Variants in CDKL5 observed in about 807,000 individuals in gnomAD.
CDKL5 encodes the protein cyclin-dependent kinase-like 5.
A neutral mutation model predicts 61.7 loss-of-function variants in CDKL5; 8 were observed. The observed-to-expected ratio is 0.13, with a 90% CI of 0.08 to 0.23. The LOEUF is 0.23. Among genes scored for constraint, CDKL5 ranks in the 10% least tolerant of loss-of-function variants. The pLI, the probability that CDKL5 is intolerant of heterozygous loss-of-function variation, is 1.00. For synonymous variants in CDKL5, 275 were observed against 272.3 expected (o/e 1.01, Z -0.10); for missense variants, 440 against 734.5 (o/e 0.60, Z 4.63).
chrX:18,459,050 C>A (rs916267058), intron 1 of CDKL5, among the ~76,000 whole-genome samples: 1 of 111,668 alleles, frequency 9.0e-6, no homozygotes, highest in African/African-American at 3.3e-5. Context: ...GTGGTAGGTA[C>A]GCAGAAATAA....
chrX:18,510,564 C>T (rs749478239), intron 2 of CDKL5, among the ~76,000 whole-genome samples: 1 of 112,375 alleles, frequency 8.9e-6, no homozygotes, highest in East Asian at 2.8e-4. Context: ...TACATTTAAA[C>T]GTATCGCCAG....
intron 21 of CDKL5, among the ~76,000 whole-genome samples, chrX:18,652,298 G>A (rs947725085): frequency 8.9e-6 from 1 of 111,940 alleles, no homozygotes; most frequent in African/African-American, 3.2e-5. Context: ...CACTGACTGC[G>A]ACCTCTGGCC....
intron 1 of CDKL5, among the ~76,000 whole-genome samples, chrX:18,461,344 T>TC (rs775839792): frequency 8.9e-6 from 1 of 112,610 alleles, no homozygotes; most frequent in East Asian, 2.8e-4. Context: ...ATTTTTACTG[T>TC]CCGAGTATTT....
intron 3 of CDKL5, among the ~76,000 whole-genome samples, chrX:18,558,211 A>C (rs1373072233): frequency 9.0e-6 from 1 of 111,618 alleles, no homozygotes; most frequent in East Asian, 2.8e-4. Flanking sequence ...TTCTTAGTTT[A>C]TTGCTTAAGA....
At chrX:18,627,794 C>CAAAAAAAAAAA (rs60267091) in intron 17 of CDKL5, 1 of 39,087 alleles carries the variant, frequency 2.6e-5, no homozygotes. Flanking sequence ...AAAAAAAAAG[C>CAAAAAAAAAAA]AAAAAAAAAA....
exon 21 of CDKL5, chrX:18,650,487 T>C (rs750449476): frequency 2.5e-6 from 3 of 1,211,521 alleles, no homozygotes; most frequent in Non-Finnish European, 3.4e-6. Flanking sequence ...TCGTCCAATC[T>C]CCAGTCCTGC....
intron 17 of CDKL5, chrX:18,626,721 TCTCCCCC>T (rs1927066809): frequency 3.9e-5 from 1 of 25,836 alleles, no homozygotes; most frequent in Non-Finnish European, 6.0e-5. Flanking sequence ...TCTCTCTCTC[TCTCCCCC>T]CTCTCTCCCC....
At chrX:18,586,142 C>T (rs1925636789) in intron 8 of CDKL5, among the ~76,000 whole-genome samples, 1 of 111,458 alleles carries the variant, frequency 9.0e-6, no homozygotes, top group African/African-American at 3.3e-5. Flanking sequence ...GATGCTTAGT[C>T]ACTTTATTAT....
At chrX:18,588,259 G>A in intron 9 of CDKL5, 116 bp downstream of exon 9, 1 of 598,848 alleles carries the variant, frequency 1.7e-6, no homozygotes, top group South Asian at 2.5e-5. Flanking sequence ...TCCCATTACA[G>A]TGTTTATAAT....
chrX:18,532,127 A>T (rs1252331681), intron 3 of CDKL5, among the ~76,000 whole-genome samples: 1 of 112,434 alleles, frequency 8.9e-6, no homozygotes, highest in South Asian at 3.6e-4. Context: ...TTTATAAATA[A>T]TATTCAGCAA....
chrX:18,609,205 C>T (rs1420682059), intron 13 of CDKL5, among the ~76,000 whole-genome samples: 2 of 110,726 alleles, frequency 1.8e-5, no homozygotes, highest in African/African-American at 6.6e-5. Flanking sequence ...CCAGCCTGGG[C>T]AACATAGCAA....
At chrX:18,592,561 T>C (rs1925864391) in intron 9 of CDKL5, among the ~76,000 whole-genome samples, 1 of 112,050 alleles carries the variant, frequency 8.9e-6, no homozygotes, top group Non-Finnish European at 1.9e-5. Context: ...TAATGCTGCT[T>C]ACAAACATCC....
At chrX:18,512,524 GCAA>G (rs2147096538) in intron 3 of CDKL5, among the ~76,000 whole-genome samples, 1 of 110,775 alleles carries the variant, frequency 9.0e-6, no homozygotes, top group East Asian at 2.8e-4. Context: ...TTACTTCCAT[GCAA>G]TGGCTTTTGT....
chrX:18,517,892 C>T (rs1038218311), intron 3 of CDKL5, among the ~76,000 whole-genome samples: 2 of 111,196 alleles, frequency 1.8e-5, no homozygotes, highest in African/African-American at 6.5e-5. Context: ...CCTGTAATCC[C>T]AGCTACTCAG....
At chrX:18,650,365 C>A in intron 20 of CDKL5, 2 of 1,180,211 alleles carry the variant, frequency 1.7e-6, no homozygotes, top group Non-Finnish European at 2.3e-6. Flanking sequence ...ATGCCTGCCT[C>A]CCGGGCCCCA....
intron 7 of CDKL5, 139 bp from the exon 8 acceptor site, chrX:18,584,124 A>T: frequency 2.0e-6 from 1 of 508,646 alleles, no homozygotes; most frequent in Non-Finnish European, 3.5e-6. Context: ...CAAGGATATT[A>T]TTAATAAATA....
intron 3 of CDKL5, among the ~76,000 whole-genome samples, chrX:18,519,790 T>C (rs977280045): frequency 9.8e-5 from 11 of 112,183 alleles, no homozygotes; most frequent in Non-Finnish European, 1.5e-4. Context: ...TATGAAGAGA[T>C]TTATGAGTGT....
intron 16 of CDKL5, among the ~76,000 whole-genome samples, chrX:18,624,808 G>A (rs961364369): frequency 6.3e-5 from 7 of 111,758 alleles, no homozygotes; most frequent in African/African-American, 2.3e-4. Flanking sequence ...GCAATTCCTG[G>A]TACAGCCCTA....
intron 1 of CDKL5, among the ~76,000 whole-genome samples, chrX:18,474,941 T>A (rs191184609): frequency 1.8e-3 from 198 of 111,369 alleles, no homozygotes; most frequent in African/African-American, 5.6e-3. Flanking sequence ...TTTTAAACTT[T>A]GTAATTATTT....
Sources: allele counts gnomAD v4.1 joint callset (sites outside exome capture counted in the v4.1 genomes callset), GRCh38; gene constraint gnomAD v4.1.1; transcripts MANE v1.5; gene names NCBI Gene and HGNC (gene_info 2026-07-23, HGNC 2026-07-21).